Variants in UTRN observed in about 807,000 individuals in gnomAD.
The protein encoded by UTRN is dystrophin-related protein 1.
UTRN carries 283 observed loss-of-function variants against 463.9 expected under a neutral mutation model. The observed-to-expected ratio is 0.61, with a 90% CI of 0.55 to 0.67. The LOEUF (loss-of-function observed/expected upper bound fraction) is 0.67. Ranked by LOEUF, UTRN falls within the 30% of genes least tolerant of loss-of-function variation. The pLI, the probability that UTRN is intolerant of heterozygous loss-of-function variation, is 0.00. For synonymous variants in UTRN, 1,442 were observed against 1,431.5 expected (o/e 1.01, Z -0.17); for missense variants, 3,922 against 4,084.3 (o/e 0.96, Z 1.08).
Position 144,325,240 on chromosome 6 carries a change from G to A in UTRN, c.79+33333G>A, listed in dbSNP as rs543186360. Among the ~76,000 whole-genome samples the A allele has an allele frequency of 8.6e-4, 131 of 152,302 alleles. No homozygotes were observed. The South Asian group carries it at 0.011, about 13-fold the overall frequency. ...CAGTGCAACAGTGTTTGGAGGTGGG[G>A]CCTAAAAATAGGTGATTAGGTCATG... On this transcript the variant is annotated intron_variant, in intron 2 of 74. Coordinates refer to ENST00000367545, the MANE Select transcript of UTRN (RefSeq NM_007124.3).
intron 66 of UTRN, among the ~76,000 whole-genome samples, chr6:144,824,416 A>G (rs1441418353): frequency 1.9e-5 from 1 of 52,342 alleles, no homozygotes; most frequent in Admixed American, 2.7e-4. Context: ...TTATATATAT[A>G]TATACACACA....
chr6:144,535,070 T>C, intron 43 of UTRN, among the ~76,000 whole-genome samples: 1 of 152,188 alleles, frequency 6.6e-6, no homozygotes, highest in Non-Finnish European at 1.5e-5. Context: ...CTTGAAATGA[T>C]TTATCTCCTA....
At chr6:144,724,035 A>G (rs999205310) in intron 53 of UTRN, among the ~76,000 whole-genome samples, 8 of 150,394 alleles carry the variant, frequency 5.3e-5, no homozygotes, top group African/African-American at 1.7e-4. Flanking sequence ...AAAAAGAAAG[A>G]AAAAAAAGAA....
At chr6:144,487,825 A>AGCATTGGTT in intron 29 of UTRN, 128 bp downstream of exon 29, 1 of 817,372 alleles carries the variant, frequency 1.2e-6, no homozygotes, top group Non-Finnish European at 1.8e-6. Context: ...AACCAATGCT[A>AGCATTGGTT]ACAGGGGCAT....
At chr6:144,566,385 A>G (rs1800403371) in intron 50 of UTRN, among the ~76,000 whole-genome samples, 4 of 152,164 alleles carry the variant, frequency 2.6e-5, no homozygotes, top group Admixed American at 2.0e-4. Flanking sequence ...ATGTAAGGAA[A>G]GGTAGCCCTG....
At chr6:144,682,432 T>G (rs981397201) in intron 52 of UTRN, among the ~76,000 whole-genome samples, 1 of 152,250 alleles carries the variant, frequency 6.6e-6, no homozygotes, top group Non-Finnish European at 1.5e-5. Flanking sequence ...TGAACAGTAC[T>G]GCCACAAACA....
chr6:144,623,927 A>G (rs1775691271), intron 51 of UTRN, among the ~76,000 whole-genome samples: 1 of 152,206 alleles, frequency 6.6e-6, no homozygotes, highest in Admixed American at 6.5e-5. Context: ...GGGGCAATAA[A>G]AGAAGACAAG....
intron 53 of UTRN, among the ~76,000 whole-genome samples, chr6:144,724,158 G>A (rs1195665345): frequency 6.7e-6 from 1 of 150,096 alleles, no homozygotes; most frequent in Non-Finnish European, 1.5e-5. Flanking sequence ...TTTAAAGTGT[G>A]CAATTCAGGG....
At chr6:144,597,743 A>G (rs1260078657) in intron 51 of UTRN, among the ~76,000 whole-genome samples, 1 of 152,256 alleles carries the variant, frequency 6.6e-6, no homozygotes, top group East Asian at 1.9e-4. Flanking sequence ...ATTTACTCAT[A>G]ATAAGTCAAT....
intron 2 of UTRN, among the ~76,000 whole-genome samples, chr6:144,323,493 A>C (rs903693327): frequency 2.6e-5 from 4 of 152,202 alleles, no homozygotes; most frequent in Non-Finnish European, 5.9e-5. Context: ...GGGATTTTAA[A>C]CATTCTTACA....
chr6:144,298,532 T>G (rs1377981553), intron 2 of UTRN, among the ~76,000 whole-genome samples: 5 of 152,314 alleles, frequency 3.3e-5, no homozygotes, highest in South Asian at 4.1e-4. Context: ...GCAGCTAAGA[T>G]TAAGGTTTAC....
At chr6:144,386,602 CAA>C (rs1026289461) in intron 2 of UTRN, among the ~76,000 whole-genome samples, 3 of 152,114 alleles carry the variant, frequency 2.0e-5, no homozygotes, top group African/African-American at 7.2e-5. Context: ...CCCTTTTAGG[CAA>C]AGAGTTCTGT....
chr6:144,725,878 G>A (rs1304149744), intron 53 of UTRN, among the ~76,000 whole-genome samples: 4 of 152,230 alleles, frequency 2.6e-5, no homozygotes, highest in Non-Finnish European at 2.9e-5. Flanking sequence ...TTTGGGTGGT[G>A]CATTGGCATG....
chr6:144,491,934 G>T (rs1180043118), intron 32 of UTRN, among the ~76,000 whole-genome samples: 1 of 152,026 alleles, frequency 6.6e-6, no homozygotes, highest in Non-Finnish European at 1.5e-5. Context: ...AAAGCTTTTT[G>T]GTTTCAGGTA....
intron 3 of UTRN, among the ~76,000 whole-genome samples, chr6:144,421,489 A>C (rs1424185132): frequency 6.6e-6 from 1 of 151,912 alleles, no homozygotes; most frequent in East Asian, 1.9e-4. Flanking sequence ...GGAGATCGAG[A>C]CCATCCTGGC....
intron 34 of UTRN, among the ~76,000 whole-genome samples, chr6:144,503,482 C>T (rs1246990037): frequency 6.6e-6 from 1 of 152,104 alleles, no homozygotes; most frequent in Non-Finnish European, 1.5e-5. Flanking sequence ...AGCCTGTTTT[C>T]CCAACACCAT....
At position 144,369,258 on chromosome 6, in the gene UTRN, TTTTC is replaced by T. The variant is rs576646659; in HGVS notation, c.80-33857_80-33854del. ...TCTGACAGAGTGCTACCCTTAGTTG[TTTTC>T]TTTCTTTTTAAATACAATATTGTGT... On this transcript the variant is annotated intron_variant, in intron 2 of 74. Transcript: ENST00000367545. Among the ~76,000 whole-genome samples, 36 of 152,308 alleles carry T rather than the reference TTTTC, an allele frequency of 2.4e-4. No individual in the cohort carries two copies. In the Middle Eastern group the frequency reaches 0.01, roughly 43 times the overall value.
intron 51 of UTRN, among the ~76,000 whole-genome samples, chr6:144,627,039 C>A (rs1776016059): frequency 6.6e-6 from 1 of 152,054 alleles, no homozygotes; most frequent in Non-Finnish European, 1.5e-5. Context: ...AAAACACTGA[C>A]CTAGTTTTAG....
intron 51 of UTRN, among the ~76,000 whole-genome samples, chr6:144,633,244 T>TG (rs1776723468): frequency 6.6e-6 from 1 of 150,742 alleles, no homozygotes; most frequent in Non-Finnish European, 1.5e-5. Context: ...TTTTTTTTTT[T>TG]CCTGAGACGG....
Sources: allele counts gnomAD v4.1 joint callset (sites outside exome capture counted in the v4.1 genomes callset), GRCh38; gene constraint gnomAD v4.1.1; transcripts MANE v1.5; gene names NCBI Gene and HGNC (gene_info 2026-07-23, HGNC 2026-07-21).